CFHR4: variants seen among roughly 807,000 people sequenced by gnomAD.
CFHR4 encodes complement factor H related 4.
CFHR4 carries 64 observed loss-of-function variants against 69.3 expected under a neutral mutation model. The ratio of observed to expected loss-of-function variants is 0.92; its 90% CI spans 0.76 to 1.14. The LOEUF (loss-of-function observed/expected upper bound fraction) is 1.14. Ranked by LOEUF, CFHR4 falls within the 50% of genes most tolerant of loss-of-function variation. The pLI is 0.00. For missense variants in CFHR4, 636 were observed against 684.9 expected (o/e 0.93, Z 0.80); for synonymous variants, 244 against 237.0 (o/e 1.03, Z -0.27).
chr1:196,894,569 A>G lies in CFHR4; in HGVS notation c.58+6361A>G, dbSNP rs149610927. Among the ~76,000 whole-genome samples the G allele has an allele frequency of 2.4e-3, 362 of 151,522 alleles. 4 individuals carry two copies. Among genetic ancestry groups the G allele is most frequent in the Non-Finnish European group, 4.0e-3 (275 of 67,966 alleles). On this transcript the variant is annotated intron_variant, in intron 1 of 9. Transcript: ENST00000608469. ...CCTTCACTTTTGAAGGACACTTTTGACAGATATGGGATTCTTAGTTGAAAG... is the reference window on the plus strand; with the variant it reads ...CCTTCACTTTTGAAGGACACTTTTGGCAGATATGGGATTCTTAGTTGAAAG...
intron 2 of CFHR4, 25 bp downstream of exon 2, chr1:196,902,640 A>T: frequency 6.5e-7 from 1 of 1,528,538 alleles, no homozygotes; most frequent in South Asian, 1.1e-5. Flanking sequence ...TTACAAGAAT[A>T]TGTGCATAAA....
rs189629897 is a variant in CFHR4 at position 196,900,597 on chromosome 1, G to A, written c.59-1821G>A. The stretch of plus-strand genomic sequence containing the variant: ...TAAATCTCTGCTCTACCACTTAATG[G>A]AAATTTTAATTGAGTTTTTTAAGGC... On this transcript the variant is annotated intron_variant, in intron 1 of 9. Transcript: ENST00000608469. Among the ~76,000 whole-genome samples, 43 of 151,262 alleles carry A rather than the reference G, an allele frequency of 2.8e-4. No individual in the cohort carries two copies. The East Asian group carries it at 6.0e-3, about 21-fold the overall frequency.
At chr1:196,905,073 A>C (rs763474709) in intron 2 of CFHR4, 35 bp from the exon 3 acceptor site, 96 of 1,524,892 alleles carry the variant, frequency 6.3e-5, no homozygotes, top group Non-Finnish European at 8.1e-5. Context: ...GTATTCAACA[A>C]ATATTTACTT....
In CFHR4 at chr1:196,907,503, G is replaced by C; in HGVS notation, c.799+5G>C. The C allele has an allele frequency of 6.2e-7, 1 of 1,601,906 alleles. No individual in the cohort carries two copies. The highest frequency in any genetic ancestry group is 8.5e-7 in the Non-Finnish European group (1 of 1,172,816). ...CAGAACCACCAAGATGCATATGTAA[G>C]TTCTTAATATTCTGGATCTGAGAAA... is the stretch of plus-strand genomic sequence containing the variant. On this transcript the variant is annotated splice_donor_5th_base_variant and intron_variant, in intron 5 of 9. Coordinates refer to ENST00000608469, the MANE Select transcript of CFHR4 (RefSeq NM_001201550.3).
At chr1:196,903,419 G>A (rs1027220148) in intron 2 of CFHR4, among the ~76,000 whole-genome samples, 5 of 150,994 alleles carry the variant, frequency 3.3e-5, no homozygotes, top group Non-Finnish European at 5.9e-5. Flanking sequence ...GTGGGAGACC[G>A]AGACGGGCAG....
intron 7 of CFHR4, 92 bp from the exon 8 acceptor site, chr1:196,914,403 T>G: frequency 7.5e-7 from 1 of 1,330,768 alleles, no homozygotes; most frequent in Non-Finnish European, 1.0e-6. Flanking sequence ...CACACACTGA[T>G]TGGTAAATTT....
In CFHR4 at chr1:196,899,194, A is replaced by AT. The variant is rs928479898; in HGVS notation, c.59-3218dup. 2.0e-5 allele frequency among the ~76,000 whole-genome samples: 3 copies of AT among 150,908 alleles called. 1 individual carries two copies. In the East Asian group the frequency reaches 5.8e-4, roughly 29 times the overall value. On this transcript the variant is annotated intron_variant, in intron 1 of 9. Transcript: ENST00000608469. ...TGATGGTTCCTTTGCCTTTTTCAAG[A>AT]TTTTTTCTGTCTCTACAAACATATT...
rs1471123216 is a variant in CFHR4 at position 196,910,295 on chromosome 1, G to C, written c.814G>C (p.Glu272Gln). ...TTTGTTACAAGCAATGAAACCTTGT[G>C]AGTTTCCAGAAATTCAACATGGACA... Reference protein sequence around the residue: ...PPRCISMKPCEFPEIQHGHLY... With the variant: ...PPRCISMKPCQFPEIQHGHLY... The change falls in exon 6 of 10, where the codon GAG becomes CAG. Residue 272 changes from glutamate (E) to glutamine (Q), a missense_variant. Physicochemically the swap from Glu to Gln is conservative, Grantham distance 29. This residue lies in a region of CFHR4 where 529 missense variants were observed against 533.2 expected (regional missense o/e 0.99). Transcript: ENST00000608469. 1 of 1,592,676 alleles carries C rather than the reference G, an allele frequency of 6.3e-7. No individual in the cohort carries two copies. Among genetic ancestry groups the C allele is most frequent in the Non-Finnish European group, 8.6e-7 (1 of 1,167,776 alleles).
At chr1:196,903,144 G>A (rs2124950892) in intron 2 of CFHR4, among the ~76,000 whole-genome samples, 1 of 151,384 alleles carries the variant, frequency 6.6e-6, no homozygotes, top group South Asian at 2.1e-4. Flanking sequence ...GTGTCAGTTA[G>A]TGCACTCATT....
At chr1:196,903,344 C>A (rs1657723365) in intron 2 of CFHR4, among the ~76,000 whole-genome samples, 1 of 150,914 alleles carries the variant, frequency 6.6e-6, no homozygotes, top group Admixed American at 6.6e-5. Flanking sequence ...TTAATAGGGC[C>A]AAGCAGCAAT....
chr1:196,888,446 C>T (rs1232390649), intron 1 of CFHR4, among the ~76,000 whole-genome samples: 1 of 150,858 alleles, frequency 6.6e-6, no homozygotes, highest in Admixed American at 6.6e-5. Context: ...GTGTAAAAAG[C>T]ATCTAATATT....
At chr1:196,902,256 C>A (rs1260564081) in intron 1 of CFHR4, among the ~76,000 whole-genome samples, 162 bp from the exon 2 acceptor site, 1 of 151,518 alleles carries the variant, frequency 6.6e-6, no homozygotes, top group Non-Finnish European at 1.5e-5. Context: ...GCAAACAGCT[C>A]TTCACATATC....
In CFHR4 at chr1:196,910,530, G is replaced by A; in HGVS notation, c.997+52G>A. On this transcript the variant is annotated intron_variant, in intron 6 of 9. Transcript: ENST00000608469. ...GTGCATAAAACTTGCAAAGAATGGA[G>A]AGAGAAGAGCAAACAAATGATTACA... is the stretch of plus-strand genomic sequence containing the variant. 6 of 1,425,838 alleles carry A rather than the reference G, an allele frequency of 4.2e-6. 1 individual carries two copies. Among genetic ancestry groups the A allele is most frequent in the Non-Finnish European group, 2.9e-6 (3 of 1,017,702 alleles). 88.3% of individuals were successfully genotyped at this position (1,425,838 alleles called of 1,614,324 possible).
chr1:196,899,974 A>C (rs1657509277), intron 1 of CFHR4, among the ~76,000 whole-genome samples: 1 of 151,590 alleles, frequency 6.6e-6, no homozygotes, highest in Admixed American at 6.6e-5. Context: ...CACAAATGAA[A>C]TGCTACAGCA....
chr1:196,892,799 G>GA (rs562920664), intron 1 of CFHR4, among the ~76,000 whole-genome samples: 20 of 151,470 alleles, frequency 1.3e-4, no homozygotes, highest in Admixed American at 1.2e-3. Flanking sequence ...AATCATTCAT[G>GA]AAGCATTCAA....
Position 196,906,278 on chromosome 1 carries a change from C to G in CFHR4, c.440-583C>G, listed in dbSNP as rs140431286. On this transcript the variant is annotated intron_variant, in intron 3 of 9. Transcript: ENST00000608469. ...CTGAGGTTTGGGAGCTATAAAATAT[C>G]AATTCGTACATTTCTAGAATACTGT... is the stretch of plus-strand genomic sequence containing the variant. Among the ~76,000 whole-genome samples, 232 of 151,476 alleles carry G rather than the reference C, an allele frequency of 1.5e-3. 2 individuals carry two copies. The highest frequency in any genetic ancestry group is 3.8e-3 in the African/African-American group (156 of 41,170).
intron 1 of CFHR4, among the ~76,000 whole-genome samples, chr1:196,891,379 T>A (rs1229336387): frequency 6.6e-6 from 1 of 151,538 alleles, no homozygotes; most frequent in Admixed American, 6.6e-5. Context: ...GATGGTTAGA[T>A]TTTCCAATAC....
At chr1:196,910,578 T>TACCAAAGGAAGAGTTGTTCATGCAAAAAC in intron 6 of CFHR4, 100 bp downstream of exon 6, 1 of 987,854 alleles carries the variant, frequency 1.0e-6, no homozygotes, top group Non-Finnish European at 1.5e-6. Context: ...ACAGAGATGG[T>TACCAAAGGAAGAGTTGTTCATGCAAAAAC]ACCAAAGGAA....
intron 9 of CFHR4, among the ~76,000 whole-genome samples, chr1:196,917,949 G>A (rs1396476425): frequency 6.6e-6 from 1 of 151,514 alleles, no homozygotes; most frequent in African/African-American, 2.4e-5. Flanking sequence ...TAGGGAAGAA[G>A]AGTTCAGGCT....
Sources: allele counts gnomAD v4.1 joint callset (sites outside exome capture counted in the v4.1 genomes callset), GRCh38; gene constraint gnomAD v4.1.1; regional missense constraint gnomAD v4.1.1; transcripts MANE v1.5; gene names NCBI Gene and HGNC (gene_info 2026-07-23, HGNC 2026-07-21).